The following ZNF563 variants were observed in gnomAD, a reference collection of about 807,000 sequenced individuals.
ZNF563 encodes the protein zinc finger protein 563.
In ZNF563, 39 loss-of-function variants were observed where a neutral mutation model predicts 48.5. The ratio of observed to expected loss-of-function variants is 0.80; its 90% CI spans 0.62 to 1.05. ZNF563 has a LOEUF of 1.05. ZNF563 is among the 50% of genes least tolerant of loss of function. The pLI is 0.00. For synonymous variants in ZNF563, 168 were observed against 187.9 expected (o/e 0.89, Z 0.87); for missense variants, 538 against 597.0 (o/e 0.90, Z 1.03).
chr19:12,335,554 AC>A (rs1969010389), upstream of ZNF563, among the ~76,000 whole-genome samples: 1 of 152,316 alleles, frequency 6.6e-6, no homozygotes, highest in Admixed American at 6.5e-5. Flanking sequence ...TATAGCAAAA[AC>A]AAAAATTCCT....
chr19:12,320,094 T>C (rs142662877), intron 3 of ZNF563, among the ~76,000 whole-genome samples: 11 of 152,224 alleles, frequency 7.2e-5, no homozygotes, highest in Admixed American at 2.6e-4. Context: ...AATTTTGTAT[T>C]TCTAGTAGAG....
At chr19:12,330,512 A>G (rs1968894836) in intron 1 of ZNF563, among the ~76,000 whole-genome samples, 1 of 152,192 alleles carries the variant, frequency 6.6e-6, no homozygotes, top group Non-Finnish European at 1.5e-5. Flanking sequence ...AAGGCTTTGA[A>G]GTCTACAGTA....
At position 12,317,660 on chromosome 19, in the gene ZNF563, C is replaced by A. The variant is rs1188206696; in HGVS notation, c.*934G>T. The A allele has an allele frequency of 4.6e-5, 7 of 152,064 alleles. No homozygotes were observed. Among genetic ancestry groups the A allele is most frequent in the African/African-American group, 1.7e-4 (7 of 41,500 alleles). 9.4% of individuals were successfully genotyped at this position (152,064 alleles called of 1,614,324 possible). ...CCATCACATCCGGGTAATTTTGTAC[C>A]AAATATGTCATTTTTAAAAAAGGAC... is the stretch of plus-strand genomic sequence containing the variant. On this transcript the variant is annotated 3_prime_UTR_variant, in exon 4 of 4. Coordinates refer to ENST00000293725, the MANE Select transcript of ZNF563 (RefSeq NM_145276.3).
intron 1 of ZNF563, among the ~76,000 whole-genome samples, chr19:12,332,347 CTTTT>C (rs567439951): frequency 2.2e-5 from 3 of 135,160 alleles, no homozygotes; most frequent in Admixed American, 1.5e-4. Flanking sequence ...TTTCTTTTTT[CTTTT>C]TTTTTTTTTT....
chr19:12,324,924 C>T (rs997093701), intron 1 of ZNF563: 9 of 152,072 alleles, frequency 5.9e-5, no homozygotes, highest in Non-Finnish European at 8.8e-5. Flanking sequence ...CCCACCTCTG[C>T]GCCAGTCTTG....
intron 1 of ZNF563, among the ~76,000 whole-genome samples, chr19:12,323,623 C>G (rs1188698889): frequency 6.6e-6 from 1 of 152,210 alleles, no homozygotes; most frequent in Non-Finnish European, 1.5e-5. Flanking sequence ...GCCTCCAGAA[C>G]AGTAAAAAAC....
At chr19:12,323,158 T>C (rs1272603359) in intron 1 of ZNF563, among the ~76,000 whole-genome samples, 1 of 152,238 alleles carries the variant, frequency 6.6e-6, no homozygotes, top group Non-Finnish European at 1.5e-5. Flanking sequence ...GCCCCACCAA[T>C]GTAACTAATA....
At chr19:12,338,550 G>A (rs1271211792), upstream of ZNF563, among the ~76,000 whole-genome samples, 1 of 152,040 alleles carries the variant, frequency 6.6e-6, no homozygotes, top group Non-Finnish European at 1.5e-5. Flanking sequence ...GCTTGATGGA[G>A]CTATTTTAAA....
rs1372279297 is a variant in ZNF563, at chr19:12,325,723, G to A, written c.4-3012C>T. Among the ~76,000 whole-genome samples, 5 of 152,186 alleles carry A rather than the reference G, an allele frequency of 3.3e-5. No homozygotes were observed. In the East Asian group the frequency reaches 5.8e-4, roughly 18 times the overall value. Reference sequence around the variant, plus strand: ...CTACAGCAGAGTTTTAAACAGCCTTGCTAAGTGTTCAAGGAATTGCTCCAC... The same window carrying A: ...CTACAGCAGAGTTTTAAACAGCCTTACTAAGTGTTCAAGGAATTGCTCCAC... On this transcript the variant is annotated intron_variant, in intron 1 of 3. Coordinates refer to ENST00000293725, the MANE Select transcript of ZNF563 (RefSeq NM_145276.3).
At chr19:12,329,193 G>T (rs1968864166) in intron 1 of ZNF563, among the ~76,000 whole-genome samples, 1 of 152,138 alleles carries the variant, frequency 6.6e-6, no homozygotes, top group Non-Finnish European at 1.5e-5. Flanking sequence ...ACATCAACAG[G>T]CTGGGCGCGT....
chr19:12,321,244 A>G (rs1968613768), intron 3 of ZNF563, 28 bp downstream of exon 3: 3 of 1,500,020 alleles, frequency 2.0e-6, no homozygotes, highest in African/African-American at 1.4e-5. Context: ...CTTCAGAAAC[A>G]TAACTTTCTC....
chr19:12,334,597 G>A (rs947255238), upstream of ZNF563, among the ~76,000 whole-genome samples: 3 of 152,126 alleles, frequency 2.0e-5, no homozygotes, highest in Admixed American at 6.5e-5. Flanking sequence ...GGCCCGGGGC[G>A]GTGGCTCACG....
chr19:12,332,962 T>C (rs559394330), intron 1 of ZNF563, among the ~76,000 whole-genome samples: 51 of 152,196 alleles, frequency 3.4e-4, no homozygotes, highest in Non-Finnish European at 6.5e-4. Flanking sequence ...CTTTATGAAA[T>C]GCAGGGCAAA....
chr19:12,328,771 AAATAAATAAATAAAT>A (rs1488532768), intron 1 of ZNF563, among the ~76,000 whole-genome samples: 1 of 151,614 alleles, frequency 6.6e-6, no homozygotes, highest in African/African-American at 2.4e-5. Flanking sequence ...CTCCATCTCA[AAATAAATAAATAAAT>A]AATAAATAAA....
chr19:12,328,071 G>A (rs190869101), intron 1 of ZNF563, among the ~76,000 whole-genome samples: 2 of 152,312 alleles, frequency 1.3e-5, no homozygotes, highest in African/African-American at 2.4e-5. Flanking sequence ...TCATTGATAC[G>A]TGTTTACAGA....
At chr19:12,321,184 G>A in intron 3 of ZNF563, 88 bp downstream of exon 3, 1 of 916,402 alleles carries the variant, frequency 1.1e-6, no homozygotes, top group Admixed American at 2.7e-5. Flanking sequence ...ATTTAAGCTG[G>A]ACTTGTTCAT....
At chr19:12,330,082 A>C (rs1251281283) in intron 1 of ZNF563, among the ~76,000 whole-genome samples, 1 of 152,072 alleles carries the variant, frequency 6.6e-6, no homozygotes, top group African/African-American at 2.4e-5. Flanking sequence ...CACTAAGCCC[A>C]GCCAATTTTT....
rs1488943666 is a variant in ZNF563 at position 12,319,550 on chromosome 19, G to A, written c.475C>T (p.Arg159Cys). The A allele has an allele frequency of 2.3e-5, 37 of 1,614,048 alleles. No individual in the cohort carries two copies. The highest frequency in any genetic ancestry group is 3.0e-5 in the Non-Finnish European group (35 of 1,180,054). ...TTCTTTCCAGTGTGAGGCCTTCCAC[G>A]CGACTGAAAGGAGTGATGGTAACTG... Reference protein sequence around the residue: ...AFSYHHSFQSRGRPHTGKKRY... With the variant: ...AFSYHHSFQSCGRPHTGKKRY... The change falls in exon 4 of 4, where the codon CGT (arginine) becomes TGT (cysteine). Residue 159 changes from arginine to cysteine, a missense_variant. Coordinates refer to ENST00000293725, the MANE Select transcript of ZNF563 (RefSeq NM_145276.3).
intron 1 of ZNF563, among the ~76,000 whole-genome samples, chr19:12,328,589 A>G (rs1450142672): frequency 6.6e-6 from 1 of 152,140 alleles, no homozygotes; most frequent in East Asian, 1.9e-4. Flanking sequence ...CCTGACCAAC[A>G]TGGAGAAACC....
Sources: gnomAD v4.1 joint callset for allele counts (sites outside exome capture counted in the v4.1 genomes callset) on GRCh38, gnomAD v4.1.1 for gene constraint, MANE v1.5 for transcripts, NCBI Gene and HGNC (gene_info 2026-07-23, HGNC 2026-07-21) for gene names.